TBCD: variants seen among roughly 807,000 people sequenced by gnomAD.
The protein encoded by TBCD is tubulin-specific chaperone D.
A neutral mutation model predicts 169.3 loss-of-function variants in TBCD; 105 were observed. The ratio of observed to expected loss-of-function variants is 0.62; its 90% CI spans 0.53 to 0.73. The LOEUF is 0.73. TBCD is among the 30% of genes least tolerant of loss of function. The probability of loss-of-function intolerance (pLI) is 0.00; values close to 1 mark genes in which losing one functional copy is unlikely to be tolerated. For synonymous variants in TBCD, 700 were observed against 643.9 expected (o/e 1.09, Z -1.32); for missense variants, 1,444 against 1,600.1 (o/e 0.90, Z 1.66).
chr17:82,829,493 G>A (rs1464860470), intron 13 of TBCD: 1 of 153,154 alleles, frequency 6.5e-6, no homozygotes, highest in East Asian at 1.9e-4. Context: ...GTTCATATGA[G>A]TTTATTGGAA....
At chr17:82,937,162 TGGACTGAGCCACTGGGA>T in intron 34 of TBCD, 92 bp from the exon 35 acceptor site, 1 of 975,068 alleles carries the variant, frequency 1.0e-6, no homozygotes, top group Middle Eastern at 2.2e-4. Flanking sequence ...GCAGGCTTCT[TGGACTGAGCCACTGGGA>T]GGACGGAGTT....
chr17:82,926,878 C>A, intron 28 of TBCD: 1 of 503,116 alleles, frequency 2.0e-6, no homozygotes, highest in Admixed American at 3.6e-5. Context: ...CCCGCGGGGG[C>A]CACGCACGCC....
At chr17:82,788,980 T>C (rs553415806) in intron 7 of TBCD, among the ~76,000 whole-genome samples, 4 of 152,170 alleles carry the variant, frequency 2.6e-5, no homozygotes, top group Non-Finnish European at 5.9e-5. Flanking sequence ...CTCTTCAGAT[T>C]TGGGGAACAG....
intron 14 of TBCD, among the ~76,000 whole-genome samples, chr17:82,883,271 G>A (rs9747279): frequency 0.062 from 9,424 of 152,338 alleles, 447 homozygotes; most frequent in South Asian, 0.23. Flanking sequence ...TTATCTCCGC[G>A]TGTCTGAAAT....
chr17:82,894,118 G>GGACTGTTTCT (rs1480701873), intron 17 of TBCD, among the ~76,000 whole-genome samples: 1 of 152,204 alleles, frequency 6.6e-6, no homozygotes, highest in Non-Finnish European at 1.5e-5. Context: ...GTGTTTTGAA[G>GGACTGTTTCT]TTGAAGTTAT....
intron 6 of TBCD, among the ~76,000 whole-genome samples, chr17:82,772,983 G>A (rs1051752882): frequency 6.6e-6 from 1 of 152,336 alleles, no homozygotes; most frequent in South Asian, 2.1e-4. Context: ...GCAGGCCTGC[G>A]GTGTTGGAAA....
intron 13 of TBCD, among the ~76,000 whole-genome samples, chr17:82,820,996 C>T (rs2052370830): frequency 6.6e-6 from 1 of 152,212 alleles, no homozygotes; most frequent in Admixed American, 6.5e-5. Context: ...TGCTCTGTCG[C>T]CCAGGCTGGA....
chr17:82,776,760 C>T (rs956129173), intron 6 of TBCD, among the ~76,000 whole-genome samples: 31 of 152,132 alleles, frequency 2.0e-4, no homozygotes, highest in Admixed American at 2.6e-4. Context: ...TTCCAGGACA[C>T]GAGAGTGGTG....
intron 12 of TBCD, among the ~76,000 whole-genome samples, chr17:82,810,560 T>C (rs1279877557): frequency 1.3e-5 from 2 of 152,142 alleles, no homozygotes; most frequent in Admixed American, 1.3e-4. Context: ...TGGGCTGGGA[T>C]GTGCGGGTGG....
chr17:82,914,661 C>T (rs928640513), intron 23 of TBCD, among the ~76,000 whole-genome samples: 1 of 152,210 alleles, frequency 6.6e-6, no homozygotes. Context: ...CACTCCCCAG[C>T]CGTGACCTCA....
At chr17:82,846,583 C>T (rs915850417) in intron 13 of TBCD, among the ~76,000 whole-genome samples, 1 of 152,192 alleles carries the variant, frequency 6.6e-6, no homozygotes. Flanking sequence ...TCCTAGATTT[C>T]GGAGATGGTG....
At chr17:82,797,962 CTTTTTTTTTTTTTTTTTTTT>C (rs60671571) in intron 8 of TBCD, among the ~76,000 whole-genome samples, 160 bp downstream of exon 8, 1 of 49,018 alleles carries the variant, frequency 2.0e-5, no homozygotes, top group Admixed American at 3.3e-4. Flanking sequence ...AGTAACTGAA[CTTTTTTTTTTTTTTTTTTTT>C]TTTTTTTTTT....
intron 13 of TBCD, chr17:82,865,352 C>T (rs919865256): frequency 6.8e-5 from 43 of 628,714 alleles, no homozygotes; most frequent in East Asian, 5.6e-4. Flanking sequence ...GGCTCTGCAC[C>T]GGCAGGCTCC....
intron 13 of TBCD, among the ~76,000 whole-genome samples, chr17:82,841,189 A>C (rs535594830): frequency 7.3e-5 from 11 of 151,724 alleles, no homozygotes; most frequent in African/African-American, 2.4e-4. Context: ...TGATCCACCC[A>C]CGTCGGCCTC....
chr17:82,929,061 C>T lies in TBCD; in HGVS notation c.2694-52C>T, dbSNP rs570018075. 108 of 1,580,718 alleles carry T rather than the reference C, an allele frequency of 6.8e-5. No individual in the cohort carries two copies. In the African/African-American group the frequency reaches 1.1e-3, roughly 15 times the overall value. On this transcript the variant is annotated intron_variant, in intron 30 of 38. Coordinates refer to ENST00000355528, the MANE Select transcript of TBCD (RefSeq NM_005993.5). ...GACCGCCTGTGCTCAGTTTACCGCCCGCTCTTAATTTACCGCCCGCCCTTG... is the reference window on the plus strand; with the variant it reads ...GACCGCCTGTGCTCAGTTTACCGCCTGCTCTTAATTTACCGCCCGCCCTTG...
chr17:82,924,947 A>G lies in TBCD; in HGVS notation c.2269A>G (p.Ile757Val), dbSNP rs1265016412. The G allele has an allele frequency of 6.4e-7, 1 of 1,562,466 alleles. No individual in the cohort carries two copies. Among genetic ancestry groups the G allele is most frequent in the Non-Finnish European group, 8.7e-7 (1 of 1,152,480 alleles). Residue 757 changes from isoleucine to valine, a missense_variant, in exon 27 of 39, where the codon ATC becomes GTC. Transcript: ENST00000355528. ...EADPAIQEEL[I>V]TQYLAELRNP... ...TCGTTGCTTCCTTTCAGAGGAGCTG[A>G]TCACGCAGTACCTGGCTGAGCTTCG...
At chr17:82,761,134 T>C (rs1349577884) in intron 2 of TBCD, among the ~76,000 whole-genome samples, 4 of 152,150 alleles carry the variant, frequency 2.6e-5, no homozygotes, top group Non-Finnish European at 5.9e-5. Flanking sequence ...TGGCCAATTT[T>C]TGTATTCTGA....
At position 82,800,901 on chromosome 17, in the gene TBCD, C is replaced by A. The variant is rs761215648; in HGVS notation, c.855C>A (p.Leu285=). The part of the protein sequence containing the change: ...TVLRCLDGCR[L]PESNQTLLRK... ...TCAGGTGCCTCGATGGCTGCAGACT[C>A]CCTGAGAGCAACCAGACCCTGCTGC... Residue 285 remains leucine (L), a synonymous_variant, in exon 9 of 39, where the codon CTC becomes CTA. Coordinates refer to ENST00000355528, the MANE Select transcript of TBCD (RefSeq NM_005993.5). The A allele has an allele frequency of 6.2e-7, 1 of 1,612,832 alleles. No homozygotes were observed. Among genetic ancestry groups the A allele is most frequent in the Non-Finnish European group, 8.5e-7 (1 of 1,179,610 alleles).
chr17:82,772,093 T>C (rs747785257), intron 5 of TBCD, among the ~76,000 whole-genome samples: 3 of 152,212 alleles, frequency 2.0e-5, no homozygotes, highest in Non-Finnish European at 4.4e-5. Context: ...ATGGTTCCCT[T>C]GTGCTGGAAG....
Sources: gnomAD v4.1 joint callset for allele counts (sites outside exome capture counted in the v4.1 genomes callset) on GRCh38, gnomAD v4.1.1 for gene constraint, MANE v1.5 for transcripts, NCBI Gene and HGNC (gene_info 2026-07-23, HGNC 2026-07-21) for gene names.